PDE4D: variants seen among roughly 807,000 people sequenced by gnomAD.
The protein encoded by PDE4D is 3',5'-cyclic-AMP phosphodiesterase 4D.
In PDE4D, 24 loss-of-function variants were observed where a neutral mutation model predicts 87.4. The observed-to-expected ratio is 0.27, with a 90% CI of 0.20 to 0.39. The LOEUF is 0.39. Ranked by LOEUF, PDE4D falls within the 10% of genes least tolerant of loss-of-function variation. PDE4D has a pLI of 1.00. For missense variants in PDE4D, 714 were observed against 1,041.0 expected, an observed-to-expected ratio of 0.69 and a Z score of 4.32; for synonymous variants, 384 against 383.2, an observed-to-expected ratio of 1.00 and a Z score of -0.02.
chr5:59,857,058 C>A (rs1331795276), intron 1 of PDE4D, among the ~76,000 whole-genome samples: 1 of 152,090 alleles, frequency 6.6e-6, no homozygotes, highest in Non-Finnish European at 1.5e-5. Flanking sequence ...TCGTCATCTG[C>A]CAGCTTCTAA....
intron 1 of PDE4D, among the ~76,000 whole-genome samples, chr5:60,190,893 G>A (rs1031750283): frequency 1.5e-4 from 23 of 152,140 alleles, no homozygotes; most frequent in African/African-American, 4.8e-4. Flanking sequence ...AACTAGAAGA[G>A]TCAAGTGATC....
intron 1 of PDE4D, among the ~76,000 whole-genome samples, chr5:60,242,864 C>A (rs1747283214): frequency 6.6e-6 from 1 of 151,510 alleles, no homozygotes; most frequent in South Asian, 2.1e-4. Context: ...GTTTTAAGTG[C>A]CCACATCAAA....
intron 1 of PDE4D, among the ~76,000 whole-genome samples, chr5:59,751,811 T>G (rs1445836874): frequency 6.6e-6 from 1 of 152,108 alleles, no homozygotes; most frequent in Non-Finnish European, 1.5e-5. Flanking sequence ...TTCACTGCAG[T>G]TCTCTCCCTG....
chr5:60,248,647 C>T (rs1021532744), intron 1 of PDE4D, among the ~76,000 whole-genome samples: 16 of 152,006 alleles, frequency 1.1e-4, no homozygotes, highest in African/African-American at 3.9e-4. Context: ...TTCATGACCT[C>T]TCTTATCTTT....
rs1055339267 is a variant in PDE4D at position 58,997,459 on chromosome 5, C to A, written c.922-3994G>T. On this transcript the variant is annotated intron_variant, in intron 6 of 14. Transcript: ENST00000340635. ...TGATTTAAAGCTAATACAATGTATTCTTCTGGGAAATCCCATCATATTTCT... is the reference window on the plus strand; with the variant it reads ...TGATTTAAAGCTAATACAATGTATTATTCTGGGAAATCCCATCATATTTCT... 6.6e-5 allele frequency among the ~76,000 whole-genome samples: 10 copies of A among 152,196 alleles called. No individual in the cohort carries two copies. In the South Asian group the frequency reaches 8.3e-4, roughly 13 times the overall value.
At chr5:59,094,979 T>C (rs188674433) in intron 5 of PDE4D, among the ~76,000 whole-genome samples, 67 of 152,136 alleles carry the variant, frequency 4.4e-4, no homozygotes, top group Admixed American at 1.4e-3. Flanking sequence ...GTTATAAAGA[T>C]TGCCAGACTT....
At chr5:59,700,737 A>G (rs1752441092) in intron 1 of PDE4D, among the ~76,000 whole-genome samples, 1 of 152,078 alleles carries the variant, frequency 6.6e-6, no homozygotes, top group African/African-American at 2.4e-5. Context: ...ACCAATATCA[A>G]CTCAGTAAAT....
At position 59,574,093 on chromosome 5, in the gene PDE4D, TAA is replaced by T. The variant is rs1339858597; in HGVS notation, c.455+319073_455+319074del. On this transcript the variant is annotated intron_variant, in intron 1 of 14. Transcript: ENST00000340635. ...ATATTTATATATATATTTATATATATAAATATATATTTATATATATATATAAA... is the reference window on the plus strand; with the variant it reads ...ATATTTATATATATATTTATATATATATATATATTTATATATATATATAAA... 7.4e-3 allele frequency among the ~76,000 whole-genome samples: 63 copies of T among 8,534 alleles called. 1 individual carries two copies. The highest frequency in any genetic ancestry group is 0.015 in the African/African-American group (38 of 2,578). 5.6% of individuals were successfully genotyped at this position (8,534 alleles called of 152,430 possible). A position where few individuals can be genotyped will look rare whatever the true frequency, so the allele number is the denominator to read the frequency against.
chr5:59,043,706 TC>T lies in PDE4D; in HGVS notation c.809-4736del, dbSNP rs549924781. On this transcript the variant is annotated intron_variant, in intron 5 of 14. Transcript: ENST00000340635. ...ATCTCCTAATGCTATCCCTCCCCCT[TC>T]CCCCCACCCCACAGCAGGCCCCGGT... is the stretch of plus-strand genomic sequence containing the variant. Among the ~76,000 whole-genome samples the T allele has an allele frequency of 3.2e-4, 49 of 151,566 alleles. 1 individual carries two copies. The highest frequency in any genetic ancestry group is 1.2e-3 in the African/African-American group (49 of 41,276).
chr5:60,043,326 G>A (rs1210921618), intron 2 of PDE4D, among the ~76,000 whole-genome samples: 1 of 152,150 alleles, frequency 6.6e-6, no homozygotes, highest in African/African-American at 2.4e-5. Context: ...TTTGATTGGT[G>A]TACCTCAAAG....
At chr5:60,346,334 G>A (rs1213504161) in intron 1 of PDE4D, among the ~76,000 whole-genome samples, 1 of 152,112 alleles carries the variant, frequency 6.6e-6, no homozygotes, top group Non-Finnish European at 1.5e-5. Context: ...AACATAAGCT[G>A]AAGAAAGCAA....
chr5:59,904,815 T>C (rs1273487605), intron 3 of PDE4D, among the ~76,000 whole-genome samples: 1 of 152,132 alleles, frequency 6.6e-6, no homozygotes, highest in Non-Finnish European at 1.5e-5. Flanking sequence ...TTTTAATGAA[T>C]AATACATTTT....
intron 1 of PDE4D, among the ~76,000 whole-genome samples, chr5:59,885,657 C>T (rs543605271): frequency 1.3e-5 from 2 of 152,266 alleles, no homozygotes; most frequent in East Asian, 3.9e-4. Flanking sequence ...AGAATTTACT[C>T]TGTAGAGGCA....
At chr5:60,345,287 G>C (rs57536164) in intron 1 of PDE4D, among the ~76,000 whole-genome samples, 2,770 of 151,924 alleles carry the variant, frequency 0.018, 74 homozygotes, top group African/African-American at 0.064. Context: ...CACACACTGG[G>C]GCCTGTCGTG....
chr5:59,524,590 G>A (rs887869153), intron 1 of PDE4D, among the ~76,000 whole-genome samples: 1 of 152,252 alleles, frequency 6.6e-6, no homozygotes, highest in Admixed American at 6.5e-5. Flanking sequence ...GCCAGCTGCA[G>A]AAATTTGCAT....
chr5:59,501,650 A>T (rs1808305229), intron 1 of PDE4D, among the ~76,000 whole-genome samples: 1 of 152,166 alleles, frequency 6.6e-6, no homozygotes, highest in South Asian at 2.1e-4. Context: ...TATGATGAAG[A>T]TCTAAACTAG....
chr5:60,012,829 T>G (rs1470991459), intron 2 of PDE4D, among the ~76,000 whole-genome samples: 1 of 152,186 alleles, frequency 6.6e-6, no homozygotes, highest in African/African-American at 2.4e-5. Flanking sequence ...CTGATGCATG[T>G]CAGGAGCTAC....
chr5:59,714,492 C>G (rs1754698890), intron 1 of PDE4D, among the ~76,000 whole-genome samples: 1 of 152,202 alleles, frequency 6.6e-6, no homozygotes, highest in African/African-American at 2.4e-5. Flanking sequence ...CAACATACAG[C>G]AAGTGCTGGC....
chr5:59,273,458 T>C (rs2112959), intron 1 of PDE4D, among the ~76,000 whole-genome samples: 12,694 of 152,186 alleles, frequency 0.083, 691 homozygotes, highest in Non-Finnish European at 0.12. Context: ...GTGTCTAATA[T>C]TTGACTGATA....
Sources: allele counts gnomAD v4.1 joint callset (sites outside exome capture counted in the v4.1 genomes callset), GRCh38; gene constraint gnomAD v4.1.1; transcripts MANE v1.5; gene names NCBI Gene and HGNC (gene_info 2026-07-23, HGNC 2026-07-21).